The following CDH18 variants were observed in gnomAD, a reference collection of about 807,000 sequenced individuals.
CDH18 encodes cadherin-18.
CDH18 carries 31 observed loss-of-function variants against 67.9 expected under a neutral mutation model. The ratio of observed to expected loss-of-function variants is 0.46; its 90% CI spans 0.34 to 0.62. CDH18 has a LOEUF of 0.62. CDH18 is among the 20% of genes least tolerant of loss of function. The pLI is 0.01. For missense variants in CDH18, 890 were observed against 975.5 expected, an observed-to-expected ratio of 0.91 and a Z score of 1.17; for synonymous variants, 362 against 347.2, an observed-to-expected ratio of 1.04 and a Z score of -0.48.
chr5:20,416,040 T>A (rs1170242987), intron 1 of CDH18, among the ~76,000 whole-genome samples: 2 of 152,130 alleles, frequency 1.3e-5, no homozygotes, highest in African/African-American at 4.8e-5. Context: ...TTATGCAAGA[T>A]AAGTACGTTC....
At chr5:20,418,242 A>ATTTTTTTTTTTTTTTTTG in intron 1 of CDH18, among the ~76,000 whole-genome samples, 1 of 56,936 alleles carries the variant, frequency 1.8e-5, no homozygotes, top group Non-Finnish European at 2.9e-5. Flanking sequence ...CTGCTGGCTA[A>ATTTTTTTTTTTTTTTTTG]TTTTTTTTTT....
At chr5:19,830,003 C>T (rs1463154495) in intron 3 of CDH18, among the ~76,000 whole-genome samples, 1 of 152,152 alleles carries the variant, frequency 6.6e-6, no homozygotes, top group African/African-American at 2.4e-5. Context: ...AAGGTTGAAG[C>T]TAGACTCCTT....
intron 1 of CDH18, among the ~76,000 whole-genome samples, chr5:20,466,451 T>G (rs568995983): frequency 6.6e-6 from 1 of 152,176 alleles, no homozygotes; most frequent in African/African-American, 2.4e-5. Context: ...GCTAAATAAA[T>G]TATGTATTAG....
At chr5:20,357,319 C>G (rs964723369) in intron 1 of CDH18, among the ~76,000 whole-genome samples, 12 of 152,052 alleles carry the variant, frequency 7.9e-5, no homozygotes, top group Non-Finnish European at 5.9e-5. Flanking sequence ...GCTAAAATTG[C>G]AATTGTCACT....
chr5:20,092,693 G>A (rs1290593617), intron 2 of CDH18, among the ~76,000 whole-genome samples: 1 of 151,908 alleles, frequency 6.6e-6, no homozygotes, highest in Non-Finnish European at 1.5e-5. Context: ...TATAATATAT[G>A]CTTATCATTT....
At chr5:20,029,079 A>G (rs1316056655) in intron 2 of CDH18, among the ~76,000 whole-genome samples, 1 of 152,162 alleles carries the variant, frequency 6.6e-6, no homozygotes, top group African/African-American at 2.4e-5. Context: ...ATGACAGCCA[A>G]TTATTCACGC....
intron 2 of CDH18, among the ~76,000 whole-genome samples, chr5:20,143,588 G>T (rs2126534898): frequency 6.6e-6 from 1 of 152,138 alleles, no homozygotes; most frequent in Non-Finnish European, 1.5e-5. Context: ...AGACTGGTCT[G>T]GAATGCCTAT....
At chr5:19,686,204 CT>C (rs1206735164) in intron 5 of CDH18, among the ~76,000 whole-genome samples, 2 of 151,892 alleles carry the variant, frequency 1.3e-5, no homozygotes, top group African/African-American at 4.8e-5. Context: ...AATCATAGGA[CT>C]TATGGGAAAA....
intron 1 of CDH18, among the ~76,000 whole-genome samples, chr5:20,563,452 A>G (rs1247096152): frequency 6.6e-6 from 1 of 151,106 alleles, no homozygotes; most frequent in Non-Finnish European, 1.5e-5. Context: ...ATCTTCCCCA[A>G]TTAAATTGTT....
intron 2 of CDH18, among the ~76,000 whole-genome samples, chr5:20,072,933 T>C (rs1402083365): frequency 6.6e-6 from 1 of 152,026 alleles, no homozygotes; most frequent in African/African-American, 2.4e-5. Flanking sequence ...ATTTAGTTGC[T>C]TGTTTTACAG....
chr5:19,771,697 T>C (rs1348682943), intron 3 of CDH18, among the ~76,000 whole-genome samples: 1 of 152,208 alleles, frequency 6.6e-6, no homozygotes, highest in Admixed American at 6.5e-5. Context: ...GTGAGGCGTT[T>C]GGATGTATCT....
At chr5:20,424,856 G>T (rs1041961291) in intron 1 of CDH18, among the ~76,000 whole-genome samples, 1 of 145,612 alleles carries the variant, frequency 6.9e-6, no homozygotes, top group Non-Finnish European at 1.5e-5. Context: ...CAGTCAATCA[G>T]AATCCCAGAA....
At chr5:20,198,028 C>T (rs369861142) in intron 2 of CDH18, among the ~76,000 whole-genome samples, 10 of 152,232 alleles carry the variant, frequency 6.6e-5, no homozygotes, top group South Asian at 2.1e-4. Context: ...CCTCTCCTAC[C>T]GCCCTGTGAA....
chr5:20,228,361 T>C (rs976549104), intron 2 of CDH18, among the ~76,000 whole-genome samples: 5 of 152,112 alleles, frequency 3.3e-5, no homozygotes, highest in African/African-American at 1.2e-4. Flanking sequence ...ACAGGTAAAA[T>C]TGTATATATT....
At chr5:19,834,411 T>A (rs1414150698) in intron 3 of CDH18, among the ~76,000 whole-genome samples, 3 of 152,048 alleles carry the variant, frequency 2.0e-5, no homozygotes, top group Admixed American at 6.6e-5. Context: ...TTGATTCTTC[T>A]CTCTCTTCTT....
Position 20,505,164 on chromosome 5 carries a change from G to T in CDH18, c.-580+70298C>A, listed in dbSNP as rs181607544. On this transcript the variant is annotated intron_variant, in intron 1 of 14. Transcript: ENST00000507958. Reference sequence around the variant, plus strand: ...TAGCCTGCAAAATATAATACATGTAGATAAAGACTGGTGGTATAAGTACAG... The same window carrying T: ...TAGCCTGCAAAATATAATACATGTATATAAAGACTGGTGGTATAAGTACAG... Among the ~76,000 whole-genome samples the T allele has an allele frequency of 1.4e-3, 210 of 152,178 alleles. 1 individual carries two copies. The highest frequency in any genetic ancestry group is 0.013 in the Admixed American group (201 of 15,274).
At chr5:19,687,813 A>G (rs1313831968) in intron 5 of CDH18, among the ~76,000 whole-genome samples, 2 of 152,172 alleles carry the variant, frequency 1.3e-5, no homozygotes, top group Non-Finnish European at 2.9e-5. Flanking sequence ...ACATTCACAC[A>G]TTCCCTGATA....
chr5:20,121,433 A>G (rs1007583504), intron 2 of CDH18, among the ~76,000 whole-genome samples: 24 of 152,034 alleles, frequency 1.6e-4, no homozygotes, highest in African/African-American at 5.8e-4. Flanking sequence ...TTTTTTGTTG[A>G]AATCTGTGTG....
At chr5:19,857,543 A>G (rs761952008) in intron 2 of CDH18, among the ~76,000 whole-genome samples, 4 of 152,198 alleles carry the variant, frequency 2.6e-5, no homozygotes, top group Non-Finnish European at 5.9e-5. Context: ...AGTCATATAT[A>G]TGTCTTGCTT....
Sources: allele counts gnomAD v4.1 joint callset (sites outside exome capture counted in the v4.1 genomes callset), GRCh38; gene constraint gnomAD v4.1.1; transcripts MANE v1.5; gene names NCBI Gene and HGNC (gene_info 2026-07-23, HGNC 2026-07-21).